Variants in RUSC2 observed in about 807,000 individuals in gnomAD.
RUSC2 encodes the protein RUN and SH3 domain containing 2.
A neutral mutation model predicts 122.2 loss-of-function variants in RUSC2; 34 were observed. The ratio of observed to expected loss-of-function variants is 0.28; its 90% confidence interval spans 0.21 to 0.37. The LOEUF is 0.37. RUSC2 is among the 10% of genes least tolerant of loss of function. The pLI is 1.00. For synonymous variants in RUSC2, 784 were observed against 790.0 expected, an observed-to-expected ratio of 0.99 and a Z score of 0.13; for missense variants, 1,747 against 1,952.4, an observed-to-expected ratio of 0.89 and a Z score of 1.98.
intron 1 of RUSC2, among the ~76,000 whole-genome samples, chr9:35,512,905 T>C (rs1821034220): frequency 6.6e-6 from 1 of 152,148 alleles, no homozygotes; most frequent in South Asian, 2.1e-4. Context: ...CCTTATGAAA[T>C]GGGCATTTTT....
chr9:35,560,539 G>T lies in RUSC2; in HGVS notation c.3899G>T (p.Ser1300Ile), dbSNP rs760262825. ...CCTCGTGGTAGCAGCAACAGCAGCA[G>T]CGAGAAAAAGAAAGGGGCAGGAGGT... ...RFPRGSSNSS[S>I]EKKKGAGGGG... is the part of the protein sequence containing the mutation. The change falls in exon 10 of 12, where the codon AGC becomes ATC. Residue 1300 changes from serine to isoleucine, a missense_variant. Physicochemically the swap from Ser to Ile is moderately radical, Grantham distance 142. Transcript: ENST00000361226. 6.2e-7 allele frequency: 1 copy of T among 1,614,184 alleles called. No individual in the cohort carries two copies. Among genetic ancestry groups the T allele is most frequent in the African/African-American group, 1.3e-5 (1 of 75,068 alleles).
chr9:35,544,415 C>CT lies in RUSC2; in HGVS notation c.-92-2014dup, dbSNP rs1270506822. Among the ~76,000 whole-genome samples, 8 of 146,186 alleles carry CT rather than the reference C, an allele frequency of 5.5e-5. No homozygotes were observed. In the East Asian group the frequency reaches 1.7e-3, roughly 31 times the overall value. ...CTCTGACTCTCTAGTTCAAGCGATT[C>CT]TCCTGCCTCAGCCTCCCAAGTAGCT... On this transcript the variant is annotated intron_variant, in intron 1 of 11. Coordinates refer to ENST00000361226, the MANE Select transcript of RUSC2 (RefSeq NM_014806.5).
At chr9:35,556,215 A>G (rs1047947166) in intron 4 of RUSC2, 78 bp downstream of exon 4, 59 of 1,597,742 alleles carry the variant, frequency 3.7e-5, no homozygotes, top group Non-Finnish European at 5.0e-5. Flanking sequence ...GGTCAGTCCC[A>G]AAGGAACGTG....
Position 35,555,939 on chromosome 9 carries a change from G to C in RUSC2, c.2657-13G>C. On this transcript the variant is annotated splice_polypyrimidine_tract_variant and intron_variant, in intron 3 of 11. Transcript: ENST00000361226. This position sits in a 1 kb window ranked among gnomAD's most constrained non-coding sequence, Gnocchi z 4.6. Reference sequence around the variant, plus strand: ...CCAACTCTTGTCTTTCTGCTAATCTGTTCTGCTTCCAGCCAACCACCTATC... The same window carrying C: ...CCAACTCTTGTCTTTCTGCTAATCTCTTCTGCTTCCAGCCAACCACCTATC... 1 of 1,612,878 alleles carries C rather than the reference G, an allele frequency of 6.2e-7. No homozygotes were observed. The highest frequency in any genetic ancestry group is 1.7e-5 in the Admixed American group (1 of 59,918).
chr9:35,491,335 A>G (rs1376897831), intron 1 of RUSC2, among the ~76,000 whole-genome samples: 4 of 152,198 alleles, frequency 2.6e-5, no homozygotes, highest in African/African-American at 9.7e-5. Context: ...AGTATTAGCA[A>G]ATAAAAGTAG....
At chr9:35,519,888 C>T (rs2132515754) in intron 1 of RUSC2, among the ~76,000 whole-genome samples, 1 of 152,164 alleles carries the variant, frequency 6.6e-6, no homozygotes, top group South Asian at 2.1e-4. Flanking sequence ...AGTGACCACC[C>T]AGAATTCCAC....
In RUSC2 at chr9:35,490,116, A is replaced by ACGCCGCCGCCGCCGCCGC. The variant is rs139160591; in HGVS notation, c.-143_-126dup. On this transcript the variant is annotated 5_prime_UTR_variant, in exon 1 of 12. Coordinates refer to ENST00000361226, the MANE Select transcript of RUSC2 (RefSeq NM_014806.5). ...CAACGCGACCCCTGGAGGGCGAGAC[A>ACGCCGCCGCCGCCGCCGC]CGCCGCCGCCGCCGCCGCCGCCGGC... The ACGCCGCCGCCGCCGCCGC allele has an allele frequency of 6.5e-6, 1 of 154,128 alleles. No homozygotes were observed. The highest frequency in any genetic ancestry group is 6.6e-5 in the Admixed American group (1 of 15,228). The allele number at this position is 154,128 out of a possible 1,614,324, so 9.5% of individuals were successfully genotyped here. A position where few individuals can be genotyped will look rare whatever the true frequency, so the allele number is the denominator to read the frequency against.
intron 5 of RUSC2, among the ~76,000 whole-genome samples, chr9:35,556,861 G>A (rs1170187056): frequency 2.6e-5 from 4 of 152,214 alleles, no homozygotes; most frequent in Non-Finnish European, 5.9e-5. Context: ...TCCAGGTGCT[G>A]GGAAGGTGTT....
intron 2 of RUSC2, among the ~76,000 whole-genome samples, chr9:35,552,921 G>C (rs1821929907): frequency 6.6e-6 from 1 of 152,176 alleles, no homozygotes; most frequent in South Asian, 2.1e-4. Context: ...TGTATCCTGG[G>C]AACTTAGCAG....
At chr9:35,501,198 G>A (rs1404249546) in intron 1 of RUSC2, among the ~76,000 whole-genome samples, 2 of 152,340 alleles carry the variant, frequency 1.3e-5, no homozygotes, top group African/African-American at 2.4e-5. Flanking sequence ...AGTCTAACCT[G>A]TTCAGGTTTC....
At chr9:35,518,008 A>ACT (rs1350379060) in intron 1 of RUSC2, among the ~76,000 whole-genome samples, 4 of 152,202 alleles carry the variant, frequency 2.6e-5, no homozygotes, top group African/African-American at 4.8e-5. Context: ...AAACCCAAGA[A>ACT]TGAAAGCAGT....
intron 1 of RUSC2, among the ~76,000 whole-genome samples, chr9:35,536,484 C>T (rs1193194727): frequency 6.6e-6 from 1 of 152,128 alleles, no homozygotes; most frequent in Non-Finnish European, 1.5e-5. Flanking sequence ...GTTTCAAGGA[C>T]TGCATGATGG....
intron 1 of RUSC2, among the ~76,000 whole-genome samples, chr9:35,526,833 C>G (rs1249759143): frequency 6.6e-6 from 1 of 152,124 alleles, no homozygotes; most frequent in Non-Finnish European, 1.5e-5. Flanking sequence ...ATACTTGTTA[C>G]TGATATTCTT....
chr9:35,546,418 C>T lies in RUSC2; in HGVS notation c.-92-12C>T. 1 of 867,182 alleles carries T rather than the reference C, an allele frequency of 1.2e-6. No individual in the cohort carries two copies. Among genetic ancestry groups the T allele is most frequent in the Non-Finnish European group, 1.6e-6 (1 of 629,272 alleles). The allele number at this position is 867,182 out of a possible 1,614,324, so 53.7% of individuals were successfully genotyped here. ...GTGACATTAGGTTCCCTTTCTTTCC[C>T]TCTCTCTCCAGGTGCCAAGCTCTCC... On this transcript the variant is annotated splice_polypyrimidine_tract_variant and intron_variant, in intron 1 of 11. Coordinates refer to ENST00000361226, the MANE Select transcript of RUSC2 (RefSeq NM_014806.5). The surrounding 1 kb of genome is among the most constrained non-coding windows in gnomAD (Gnocchi z 4.3).
At chr9:35,511,543 C>A (rs1821011047) in intron 1 of RUSC2, among the ~76,000 whole-genome samples, 1 of 152,164 alleles carries the variant, frequency 6.6e-6, no homozygotes, top group Non-Finnish European at 1.5e-5. Flanking sequence ...GTAAATATGT[C>A]CACATCTGTA....
In RUSC2 at chr9:35,516,831, G is replaced by A. The variant is rs1821118807; in HGVS notation, c.-93+26659G>A. On this transcript the variant is annotated intron_variant, in intron 1 of 11. Transcript: ENST00000361226. Reference sequence around the variant, plus strand: ...CCTGCCAGGGTGTTTTCATTCATAAGCTGAGAATGGCTTTTACATTTTTAA... The same window carrying A: ...CCTGCCAGGGTGTTTTCATTCATAAACTGAGAATGGCTTTTACATTTTTAA... Among the ~76,000 whole-genome samples the A allele has an allele frequency of 3.9e-5, 6 of 152,164 alleles. 1 individual carries two copies. The highest frequency in any genetic ancestry group is 3.9e-4 in the Admixed American group (6 of 15,276).
At chr9:35,545,465 G>A (rs1821726009) in intron 1 of RUSC2, among the ~76,000 whole-genome samples, 1 of 152,194 alleles carries the variant, frequency 6.6e-6, no homozygotes, top group African/African-American at 2.4e-5. Context: ...TGGGTTCTGT[G>A]TCCTTGGCAC....
intron 9 of RUSC2, 84 bp from the exon 10 acceptor site, chr9:35,559,945 C>T: frequency 1.7e-6 from 2 of 1,174,846 alleles, no homozygotes; most frequent in Non-Finnish European, 2.4e-6. Context: ...TCTGCAGCAG[C>T]TCTGCCCAGA....
Position 35,548,305 on chromosome 9 carries a change from A to G in RUSC2, c.1784A>G (p.His595Arg). The G allele has an allele frequency of 1.2e-6, 2 of 1,614,064 alleles. No individual in the cohort carries two copies. The highest frequency in any genetic ancestry group is 8.5e-7 in the Non-Finnish European group (1 of 1,180,030). ...APLDEGTCCS[H>R]SLPPMPLGPG... ...CTGGATGAGGGCACTTGCTGTAGCC[A>G]TAGCCTGCCACCCATGCCTTTGGGG... is the stretch of plus-strand genomic sequence containing the variant. The change falls in exon 2 of 12, where the codon CAT (histidine) becomes CGT (arginine). Residue 595 changes from histidine to arginine, a missense_variant. Coordinates refer to ENST00000361226, the MANE Select transcript of RUSC2 (RefSeq NM_014806.5). This position sits in a 1 kb window ranked among gnomAD's most constrained non-coding sequence, Gnocchi z 4.5.
Sources: gnomAD v4.1 joint callset for allele counts (sites outside exome capture counted in the v4.1 genomes callset) on GRCh38, gnomAD v4.1.1 for gene constraint, Gnocchi (gnomAD v3.1) non-coding constraint, MANE v1.5 for transcripts, NCBI Gene and HGNC (gene_info 2026-07-23, HGNC 2026-07-21) for gene names.